DYNC1I2: variants seen among roughly 807,000 people sequenced by gnomAD.
The protein encoded by DYNC1I2 is dynein cytoplasmic 1 intermediate chain 2.
In DYNC1I2, 53 loss-of-function variants were observed where a neutral mutation model predicts 88.6. The ratio of observed to expected loss-of-function variants is 0.60; its 90% CI spans 0.48 to 0.75. The LOEUF is 0.75. Among genes scored for constraint, DYNC1I2 ranks in the 30% least tolerant of loss-of-function variants. DYNC1I2 has a pLI of 0.00. For missense variants in DYNC1I2, 458 were observed against 766.6 expected (o/e 0.60, Z 4.75); for synonymous variants, 198 against 254.6 (o/e 0.78, Z 2.12).
intron 3 of DYNC1I2, among the ~76,000 whole-genome samples, chr2:171,695,153 G>A (rs1553577721): frequency 1.3e-5 from 2 of 151,588 alleles, no homozygotes; most frequent in Non-Finnish European, 2.9e-5. Flanking sequence ...AGGCTGTAGT[G>A]CAATCACGTG....
intron 15 of DYNC1I2, among the ~76,000 whole-genome samples, chr2:171,736,328 G>A (rs1441913187): frequency 6.6e-6 from 1 of 152,148 alleles, no homozygotes; most frequent in Admixed American, 6.5e-5. Flanking sequence ...GACAGGGAGT[G>A]CTAACCGGAA....
At chr2:171,737,194 T>G (rs1689067961) in intron 15 of DYNC1I2, among the ~76,000 whole-genome samples, 1 of 152,210 alleles carries the variant, frequency 6.6e-6, no homozygotes, top group African/African-American at 2.4e-5. Flanking sequence ...AGCCTCTGCC[T>G]CTGTCATCAG....
intron 16 of DYNC1I2, among the ~76,000 whole-genome samples, 165 bp from the exon 17 acceptor site, chr2:171,745,637 A>G (rs1335386258): frequency 6.6e-6 from 1 of 152,242 alleles, no homozygotes; most frequent in Non-Finnish European, 1.5e-5. Context: ...CTATAATGTC[A>G]TTCATAATAT....
intron 15 of DYNC1I2, among the ~76,000 whole-genome samples, chr2:171,742,097 T>A (rs1480207288): frequency 6.6e-6 from 1 of 151,950 alleles, no homozygotes; most frequent in East Asian, 1.9e-4. Flanking sequence ...TTCATAGTTT[T>A]ACTTTCCATT....
chr2:171,722,670 A>G (rs1428985368), intron 7 of DYNC1I2, among the ~76,000 whole-genome samples: 2 of 152,164 alleles, frequency 1.3e-5, no homozygotes, highest in African/African-American at 4.8e-5. Context: ...TCAGAAGAAC[A>G]TTTTTTAATC....
At chr2:171,734,665 C>T (rs985897705) in intron 15 of DYNC1I2, among the ~76,000 whole-genome samples, 19 of 152,160 alleles carry the variant, frequency 1.2e-4, no homozygotes, top group African/African-American at 3.6e-4. Context: ...AATTACCCTT[C>T]ATTCTAACTT....
At chr2:171,722,810 C>G (rs191189730) in intron 7 of DYNC1I2, among the ~76,000 whole-genome samples, 66 of 152,078 alleles carry the variant, frequency 4.3e-4, no homozygotes, top group Non-Finnish European at 8.7e-4. Flanking sequence ...TTTTTATGTT[C>G]CTTGAAATTT....
chr2:171,704,893 T>C (rs1020421732), intron 3 of DYNC1I2, among the ~76,000 whole-genome samples: 2 of 152,192 alleles, frequency 1.3e-5, no homozygotes, highest in Admixed American at 6.5e-5. Context: ...TTCCTCCTTT[T>C]GTAATGATAG....
At chr2:171,729,596 T>G in intron 14 of DYNC1I2, 113 bp from the exon 15 acceptor site, 7 of 1,095,352 alleles carry the variant, frequency 6.4e-6, no homozygotes, top group Non-Finnish European at 7.9e-6. Flanking sequence ...GAGCACAGAG[T>G]TAAGTCTGTC....
At chr2:171,730,030 A>C (rs927783858) in intron 15 of DYNC1I2, among the ~76,000 whole-genome samples, 177 bp downstream of exon 15, 1 of 152,244 alleles carries the variant, frequency 6.6e-6, no homozygotes, top group Non-Finnish European at 1.5e-5. Flanking sequence ...TTTTATAAAA[A>C]TATGCTAACA....
At chr2:171,742,314 A>G (rs1689495908) in intron 15 of DYNC1I2, among the ~76,000 whole-genome samples, 1 of 152,002 alleles carries the variant, frequency 6.6e-6, no homozygotes. Context: ...CTGAGACTAT[A>G]GGTGCATGCC....
intron 3 of DYNC1I2, among the ~76,000 whole-genome samples, chr2:171,695,950 C>A (rs1685736739): frequency 6.6e-6 from 1 of 152,222 alleles, no homozygotes; most frequent in Non-Finnish European, 1.5e-5. Context: ...TATCTGATTA[C>A]AGTGAGGTTG....
intron 7 of DYNC1I2, among the ~76,000 whole-genome samples, chr2:171,715,920 A>G (rs1216853924): frequency 2.6e-5 from 4 of 152,152 alleles, no homozygotes; most frequent in Non-Finnish European, 4.4e-5. Context: ...CTCTTTTATG[A>G]TATAGGGGCT....
intron 2 of DYNC1I2, among the ~76,000 whole-genome samples, chr2:171,691,754 A>G (rs947440970): frequency 3.3e-5 from 5 of 152,218 alleles, no homozygotes; most frequent in African/African-American, 1.2e-4. Context: ...TGATGGCCAT[A>G]ACTGGCAAAA....
intron 15 of DYNC1I2, among the ~76,000 whole-genome samples, chr2:171,732,973 C>T (rs1377227796): frequency 6.6e-6 from 1 of 152,056 alleles, no homozygotes; most frequent in Non-Finnish European, 1.5e-5. Context: ...GTTATTTTTC[C>T]TGAGCCTCTC....
chr2:171,721,551 T>C (rs1687906093), intron 7 of DYNC1I2, among the ~76,000 whole-genome samples: 1 of 152,328 alleles, frequency 6.6e-6, no homozygotes, highest in Middle Eastern at 3.4e-3. Context: ...CTATGTAATC[T>C]GTATTTTTAA....
intron 3 of DYNC1I2, among the ~76,000 whole-genome samples, chr2:171,699,049 C>A (rs1243364733): frequency 6.6e-6 from 1 of 152,074 alleles, no homozygotes. Flanking sequence ...TGGCTCACGC[C>A]TGTAATCCCA....
At chr2:171,737,100 G>A (rs1689060561) in intron 15 of DYNC1I2, among the ~76,000 whole-genome samples, 2 of 152,294 alleles carry the variant, frequency 1.3e-5, no homozygotes, top group South Asian at 4.1e-4. Context: ...TTCTGAAGGA[G>A]AATCTGTTTC....
intron 7 of DYNC1I2, among the ~76,000 whole-genome samples, chr2:171,718,083 AG>A (rs1273529207): frequency 6.6e-6 from 1 of 151,330 alleles, no homozygotes; most frequent in Non-Finnish European, 1.5e-5. Flanking sequence ...CAGCCTCCTG[AG>A]TAGCAGTGAC....
Sources: allele counts gnomAD v4.1 joint callset (sites outside exome capture counted in the v4.1 genomes callset), GRCh38; gene constraint gnomAD v4.1.1; transcripts MANE v1.5; gene names NCBI Gene and HGNC (gene_info 2026-07-23, HGNC 2026-07-21).